Variants in ANKFN1 observed in about 807,000 individuals in gnomAD.
ANKFN1 encodes ankyrin repeat and fibronectin type-III domain-containing protein 1.
In ANKFN1, 74 loss-of-function variants were observed where a neutral mutation model predicts 108.7. The observed-to-expected ratio is 0.68, with a 90% CI of 0.56 to 0.83. ANKFN1 has a LOEUF of 0.83. Among genes scored for constraint, ANKFN1 ranks in the 40% least tolerant of loss-of-function variants. ANKFN1 has a pLI of 0.00. For synonymous variants in ANKFN1, 547 were observed against 516.2 expected, an observed-to-expected ratio of 1.06 and a Z score of -0.81; for missense variants, 1,505 against 1,382.3, an observed-to-expected ratio of 1.09 and a Z score of -1.41.
At chr17:56,084,553 C>T (rs1362234880) in intron 4 of ANKFN1, among the ~76,000 whole-genome samples, 3 of 151,372 alleles carry the variant, frequency 2.0e-5, no homozygotes, top group Admixed American at 6.6e-5. Context: ...CTGAAAATAT[C>T]GAGCTGTGCT....
chr17:56,269,463 A>C (rs1051848702), intron 3 of ANKFN1, among the ~76,000 whole-genome samples: 1 of 152,194 alleles, frequency 6.6e-6, no homozygotes, highest in Non-Finnish European at 1.5e-5. Context: ...AGATATTATC[A>C]TTATTGACTT....
intron 4 of ANKFN1, among the ~76,000 whole-genome samples, chr17:56,070,409 G>A (rs544959813): frequency 6.6e-6 from 1 of 152,240 alleles, no homozygotes; most frequent in South Asian, 2.1e-4. Flanking sequence ...TCTCCCCTGT[G>A]CCTGTGTCAA....
chr17:56,167,000 C>T lies in ANKFN1; in HGVS notation c.-71+13470C>T, dbSNP rs1008601657. The stretch of plus-strand genomic sequence containing the variant: ...TCAGCCATCACTATATACCCAGCCC[C>T]TAGTGCTGTGCCTGGCCTAGCTTAG... On this transcript the variant is annotated intron_variant, in intron 1 of 20. Coordinates refer to ENST00000682825, the MANE Select transcript of ANKFN1 (RefSeq NM_001370326.1). 4.6e-5 allele frequency among the ~76,000 whole-genome samples: 7 copies of T among 152,050 alleles called. No homozygotes were observed. The East Asian group carries it at 7.8e-4, about 17-fold the overall frequency.
At chr17:56,457,411 T>C (rs772962158) in intron 13 of ANKFN1, 22 bp downstream of exon 13, 1 of 1,562,486 alleles carries the variant, frequency 6.4e-7, no homozygotes, top group East Asian at 2.3e-5. Context: ...TCTGATTTCA[T>C]TTTTCCCTAC....
chr17:56,201,419 A>G (rs1275868444), intron 1 of ANKFN1, among the ~76,000 whole-genome samples: 1 of 152,154 alleles, frequency 6.6e-6, no homozygotes, highest in Non-Finnish European at 1.5e-5. Flanking sequence ...TATCCTCACA[A>G]TCACTTGTTA....
chr17:56,412,384 T>A (rs559387335), intron 8 of ANKFN1, among the ~76,000 whole-genome samples: 1 of 152,264 alleles, frequency 6.6e-6, no homozygotes, highest in South Asian at 2.1e-4. Flanking sequence ...GTCAACTTGA[T>A]TGGATTGAAG....
chr17:56,321,754 C>T (rs1325920881), intron 3 of ANKFN1, among the ~76,000 whole-genome samples: 3 of 152,066 alleles, frequency 2.0e-5, no homozygotes, highest in East Asian at 3.9e-4. Context: ...CTAAAAGAGA[C>T]CTTTGAATTT....
chr17:56,306,901 C>T (rs1379092652), intron 3 of ANKFN1, among the ~76,000 whole-genome samples: 8 of 152,160 alleles, frequency 5.3e-5, no homozygotes, highest in African/African-American at 1.7e-4. Context: ...TGGAACAGAA[C>T]AGAGGCCTCA....
At chr17:56,366,032 C>T (rs1156878354) in intron 6 of ANKFN1, among the ~76,000 whole-genome samples, 6 of 152,152 alleles carry the variant, frequency 3.9e-5, no homozygotes, top group Admixed American at 6.6e-5. Flanking sequence ...ATGCGTGTTA[C>T]TGCCCCTTAA....
chr17:56,177,350 GTTTCCCAGCATGGGAATGAATGCCCAT>G (rs1341907745), intron 1 of ANKFN1, among the ~76,000 whole-genome samples: 2 of 152,174 alleles, frequency 1.3e-5, no homozygotes, highest in Non-Finnish European at 2.9e-5. Context: ...TGGAATTTTG[GTTTCCCAGCATGGGAATGAATGCCCAT>G]TTTCCATGAT....
intron 3 of ANKFN1, among the ~76,000 whole-genome samples, chr17:56,285,864 TGA>T (rs2044202876): frequency 6.6e-6 from 1 of 151,898 alleles, no homozygotes; most frequent in Non-Finnish European, 1.5e-5. Context: ...ATGATGATGA[TGA>T]TGATGATCAC....
intron 8 of ANKFN1, among the ~76,000 whole-genome samples, chr17:56,413,491 T>G (rs1245455157): frequency 6.6e-6 from 1 of 152,200 alleles, no homozygotes; most frequent in Admixed American, 6.5e-5. Context: ...AGGGCATCCT[T>G]GTCTTATGCC....
chr17:56,282,634 C>CAT (rs1461438807), intron 3 of ANKFN1, among the ~76,000 whole-genome samples: 1 of 152,082 alleles, frequency 6.6e-6, no homozygotes, highest in East Asian at 1.9e-4. Flanking sequence ...TTTTCATCTG[C>CAT]ATATTTGAAG....
At position 56,083,165 on chromosome 17, in the gene ANKFN1, G is replaced by A. The variant is rs577685509; in HGVS notation, c.288+36840G>A. ...GAAGCTAAGTGGACACTCAGAGAAC[G>A]GAAAAATGAATAAGTGAATCAATGA... On this transcript the variant is annotated intron_variant, in intron 4 of 12. Transcript: ENST00000635860. Among the ~76,000 whole-genome samples the A allele has an allele frequency of 3.3e-5, 5 of 150,962 alleles. 1 individual carries two copies. The highest frequency in any genetic ancestry group is 2.1e-4 in the South Asian group (1 of 4,800).
intron 6 of ANKFN1, chr17:56,368,245 T>G (rs1448566827): frequency 5.8e-6 from 4 of 690,054 alleles, no homozygotes; most frequent in Non-Finnish European, 6.2e-6. Flanking sequence ...TAAAACACCA[T>G]GAAAACAAAC....
intron 6 of ANKFN1, among the ~76,000 whole-genome samples, chr17:56,368,508 A>G (rs1231140817): frequency 1.3e-5 from 2 of 151,488 alleles, no homozygotes; most frequent in African/African-American, 2.4e-5. Context: ...TCAAACTCCC[A>G]ACCTCAGGTG....
chr17:56,444,432 T>C (rs1475050362), intron 10 of ANKFN1, among the ~76,000 whole-genome samples: 1 of 152,218 alleles, frequency 6.6e-6, no homozygotes, highest in Non-Finnish European at 1.5e-5. Flanking sequence ...TGTGTATTTT[T>C]TTTATAATAA....
chr17:56,095,264 A>G (rs1273830194), intron 4 of ANKFN1, among the ~76,000 whole-genome samples: 2 of 149,942 alleles, frequency 1.3e-5, no homozygotes, highest in African/African-American at 4.9e-5. Context: ...TTCAGAGGAA[A>G]CTCACCCAGC....
intron 6 of ANKFN1, among the ~76,000 whole-genome samples, chr17:56,368,894 G>A (rs940125706): frequency 1.3e-5 from 2 of 152,152 alleles, no homozygotes; most frequent in African/African-American, 4.8e-5. Flanking sequence ...CAACTGAAGT[G>A]GCTAAAGAGC....
Sources: gnomAD v4.1 joint callset for allele counts (sites outside exome capture counted in the v4.1 genomes callset) on GRCh38, gnomAD v4.1.1 for gene constraint, MANE v1.5 for transcripts, NCBI Gene and HGNC (gene_info 2026-07-23, HGNC 2026-07-21) for gene names.